The following ST6GALNAC3 variants were observed in gnomAD, a reference collection of about 807,000 sequenced individuals.
The protein encoded by ST6GALNAC3 is alpha-N-acetylgalactosaminide alpha-2,6-sialyltransferase 3.
ST6GALNAC3 carries 25 observed loss-of-function variants against 32.7 expected under a neutral mutation model. The observed-to-expected ratio is 0.76, with a 90% CI of 0.56 to 1.07. The LOEUF is 1.07. Among genes scored for constraint, ST6GALNAC3 ranks in the 50% least tolerant of loss-of-function variants. The pLI, the probability that ST6GALNAC3 is intolerant of heterozygous loss-of-function variation, is 0.00. For missense variants in ST6GALNAC3, 355 were observed against 382.4 expected, an observed-to-expected ratio of 0.93 and a Z score of 0.60; for synonymous variants, 129 against 133.1, an observed-to-expected ratio of 0.97 and a Z score of 0.21.
intron 1 of ST6GALNAC3, among the ~76,000 whole-genome samples, chr1:76,094,381 A>G (rs1229254946): frequency 6.6e-6 from 1 of 152,242 alleles, no homozygotes; most frequent in Non-Finnish European, 1.5e-5. Flanking sequence ...GATGGTGATC[A>G]TAATAGCTAG....
chr1:76,237,313 C>T (rs1225573285), intron 1 of ST6GALNAC3, among the ~76,000 whole-genome samples: 7 of 152,110 alleles, frequency 4.6e-5, no homozygotes, highest in African/African-American at 1.7e-4. Flanking sequence ...TTTGTGTTTT[C>T]AGTAAAGGCA....
chr1:76,278,260 A>G (rs550141296), intron 1 of ST6GALNAC3, among the ~76,000 whole-genome samples: 7 of 105,806 alleles, frequency 6.6e-5, no homozygotes, highest in African/African-American at 4.8e-4. Flanking sequence ...TCGCTCTGTC[A>G]TCCCAGGCTG....
At chr1:76,131,994 A>G (rs1466355438) in intron 1 of ST6GALNAC3, among the ~76,000 whole-genome samples, 4 of 152,048 alleles carry the variant, frequency 2.6e-5, no homozygotes, top group South Asian at 2.1e-4. Flanking sequence ...TTTGTTTTCT[A>G]TGGGCTACCA....
intron 3 of ST6GALNAC3, among the ~76,000 whole-genome samples, chr1:76,496,489 G>A (rs530621406): frequency 6.6e-6 from 1 of 152,268 alleles, no homozygotes; most frequent in South Asian, 2.1e-4. Flanking sequence ...ACAGAATGCA[G>A]ATTTGTTCAA....
chr1:76,620,663 C>T (rs2100700853), intron 3 of ST6GALNAC3, among the ~76,000 whole-genome samples: 1 of 152,116 alleles, frequency 6.6e-6, no homozygotes, highest in Non-Finnish European at 1.5e-5. Context: ...CATATGACAA[C>T]TCACCCTGCT....
At chr1:76,231,999 A>G (rs1570518665) in intron 1 of ST6GALNAC3, among the ~76,000 whole-genome samples, 1 of 152,310 alleles carries the variant, frequency 6.6e-6, no homozygotes, top group East Asian at 1.9e-4. Flanking sequence ...GCTTCGAGGT[A>G]GTTTCTACCA....
At chr1:76,430,072 A>C (rs974458917) in intron 3 of ST6GALNAC3, among the ~76,000 whole-genome samples, 1 of 152,118 alleles carries the variant, frequency 6.6e-6, no homozygotes, top group Admixed American at 6.6e-5. Context: ...TTTAAATTTG[A>C]CTTATCTTTC....
chr1:76,545,209 C>G (rs377007051), intron 3 of ST6GALNAC3, among the ~76,000 whole-genome samples: 5 of 152,164 alleles, frequency 3.3e-5, no homozygotes, highest in Non-Finnish European at 7.3e-5. Context: ...CTAAAAGTCA[C>G]AAAGTAGCAC....
intron 1 of ST6GALNAC3, among the ~76,000 whole-genome samples, chr1:76,252,418 G>A (rs1356393190): frequency 7.2e-5 from 11 of 152,102 alleles, no homozygotes; most frequent in Admixed American, 7.2e-4. Context: ...TCTTTCATGT[G>A]GCAAGCACTT....
intron 1 of ST6GALNAC3, among the ~76,000 whole-genome samples, chr1:76,312,691 C>T (rs979256080): frequency 6.6e-6 from 1 of 152,090 alleles, no homozygotes; most frequent in African/African-American, 2.4e-5. Flanking sequence ...TTTAACAAAA[C>T]AAAATTTCTT....
At chr1:76,620,281 G>A (rs550504266) in intron 3 of ST6GALNAC3, among the ~76,000 whole-genome samples, 8 of 152,066 alleles carry the variant, frequency 5.3e-5, no homozygotes, top group East Asian at 1.9e-4. Flanking sequence ...GCTGAGATGC[G>A]CAAGTTTAAG....
intron 1 of ST6GALNAC3, among the ~76,000 whole-genome samples, chr1:76,190,682 G>A (rs1653840889): frequency 6.6e-6 from 1 of 152,116 alleles, no homozygotes; most frequent in Admixed American, 6.5e-5. Flanking sequence ...GTTGGATTTT[G>A]GAAGTATTTA....
At chr1:76,562,067 G>A (rs1241962990) in intron 3 of ST6GALNAC3, among the ~76,000 whole-genome samples, 1 of 152,120 alleles carries the variant, frequency 6.6e-6, no homozygotes, top group African/African-American at 2.4e-5. Flanking sequence ...TAGTAGTTTA[G>A]TTGTTTCCTG....
At chr1:76,232,347 G>A (rs1011086910) in intron 1 of ST6GALNAC3, among the ~76,000 whole-genome samples, 2 of 152,154 alleles carry the variant, frequency 1.3e-5, no homozygotes, top group Admixed American at 1.3e-4. Context: ...GGTGTTGGAG[G>A]GAATAGTACT....
chr1:76,432,978 T>C (rs1655879268), intron 3 of ST6GALNAC3, among the ~76,000 whole-genome samples: 1 of 152,134 alleles, frequency 6.6e-6, no homozygotes, highest in South Asian at 2.1e-4. Context: ...GATTTCTCCT[T>C]GTGACAAAAA....
At chr1:76,589,092 T>C (rs972603664) in intron 3 of ST6GALNAC3, among the ~76,000 whole-genome samples, 1 of 152,178 alleles carries the variant, frequency 6.6e-6, no homozygotes, top group Non-Finnish European at 1.5e-5. Flanking sequence ...ATGGGAAAGT[T>C]AATGTATTTA....
chr1:76,161,990 T>C (rs780356781), intron 1 of ST6GALNAC3, among the ~76,000 whole-genome samples: 3 of 152,216 alleles, frequency 2.0e-5, no homozygotes, highest in Non-Finnish European at 2.9e-5. Context: ...CCAATGCCAA[T>C]TGGCAGACAG....
In ST6GALNAC3 at chr1:76,382,720, C is replaced by T. The variant is rs577627764; in HGVS notation, c.214-29288C>T. On this transcript the variant is annotated intron_variant, in intron 2 of 4. Coordinates refer to ENST00000328299, the MANE Select transcript of ST6GALNAC3 (RefSeq NM_152996.4). Reference sequence around the variant, plus strand: ...TAGCATATTTTATGACAAAATTAGACTCTAAGGGATTATAAATAAAAAGGA... The same window carrying T: ...TAGCATATTTTATGACAAAATTAGATTCTAAGGGATTATAAATAAAAAGGA... Among the ~76,000 whole-genome samples the T allele has an allele frequency of 3.9e-5, 6 of 152,202 alleles. No homozygotes were observed. The South Asian group carries it at 1.2e-3, about 32-fold the overall frequency.
intron 3 of ST6GALNAC3, among the ~76,000 whole-genome samples, chr1:76,622,942 G>A (rs906016622): frequency 1.3e-5 from 2 of 151,890 alleles, no homozygotes; most frequent in Non-Finnish European, 2.9e-5. Context: ...AGTGCTTCAC[G>A]ATATCTTTCC....
Sources: allele counts gnomAD v4.1 joint callset (sites outside exome capture counted in the v4.1 genomes callset), GRCh38; gene constraint gnomAD v4.1.1; transcripts MANE v1.5; gene names NCBI Gene and HGNC (gene_info 2026-07-23, HGNC 2026-07-21).